NCMAP: variants seen among roughly 807,000 people sequenced by gnomAD.
NCMAP encodes the protein non-compact myelin associated protein.
Under a neutral mutation model 7.8 loss-of-function variants are expected in NCMAP, and 8 were observed. The observed-to-expected ratio is 1.02, with a 90% confidence interval of 0.60 to 1.84. The LOEUF (loss-of-function observed/expected upper bound fraction) is 1.84. NCMAP is among the 40% of genes most tolerant of loss of function. NCMAP has a pLI of 0.00. For missense variants in NCMAP, 112 were observed against 131.4 expected, an observed-to-expected ratio of 0.85 and a Z score of 0.72; for synonymous variants, 41 against 52.9, an observed-to-expected ratio of 0.78 and a Z score of 0.98.
intron 1 of NCMAP, among the ~76,000 whole-genome samples, chr1:24,574,609 C>CT (rs1393847271): frequency 6.6e-6 from 1 of 151,976 alleles, no homozygotes; most frequent in Non-Finnish European, 1.5e-5. Context: ...CACATTGATC[C>CT]TGTCTCTCTG....
intron 1 of NCMAP, among the ~76,000 whole-genome samples, chr1:24,592,009 C>T (rs1652062226): frequency 6.6e-6 from 1 of 152,144 alleles, no homozygotes; most frequent in Non-Finnish European, 1.5e-5. Context: ...GCTGGGAGAG[C>T]AGGAAAGCCG....
intron 1 of NCMAP, among the ~76,000 whole-genome samples, chr1:24,573,978 AAAGGGGG>A (rs1651472643): frequency 6.9e-6 from 1 of 145,304 alleles, no homozygotes; most frequent in Admixed American, 6.7e-5. Context: ...AAAACAGAAA[AAAGGGGG>A]AATATGTCAG....
intron 1 of NCMAP, among the ~76,000 whole-genome samples, chr1:24,578,172 C>T (rs926124028): frequency 6.1e-5 from 9 of 146,838 alleles, no homozygotes; most frequent in East Asian, 2.0e-4. Context: ...GGCTGAGGCA[C>T]GAGAACCTGG....
At chr1:24,592,878 C>G (rs1369281371) in intron 1 of NCMAP, among the ~76,000 whole-genome samples, 1 of 151,992 alleles carries the variant, frequency 6.6e-6, no homozygotes, top group African/African-American at 2.4e-5. Flanking sequence ...GTGATCATGC[C>G]ACTGCACTCC....
chr1:24,572,023 C>T (rs1406618504), intron 1 of NCMAP, among the ~76,000 whole-genome samples: 1 of 150,886 alleles, frequency 6.6e-6, no homozygotes, highest in African/African-American at 2.5e-5. Context: ...CATGCGTGGC[C>T]AGGGGCACCA....
At chr1:24,561,952 G>A (rs1303439982) in intron 1 of NCMAP, among the ~76,000 whole-genome samples, 1 of 151,766 alleles carries the variant, frequency 6.6e-6, no homozygotes, top group Non-Finnish European at 1.5e-5. Context: ...ACAAAGAACT[G>A]GAGAAGGAGA....
rs574385077 is a variant in NCMAP, at chr1:24,593,266, T to C, written c.-7-2158T>C. 2.0e-5 allele frequency among the ~76,000 whole-genome samples: 3 copies of C among 152,140 alleles called. No individual in the cohort carries two copies. The East Asian group carries it at 5.8e-4, about 29-fold the overall frequency. On this transcript the variant is annotated intron_variant, in intron 1 of 3. Transcript: ENST00000374392. ...TGGGAGACCAAGGTGGGAGGATCGC[T>C]TTGAGTCCAGGAGTTTGAGACCAGT... is the stretch of plus-strand genomic sequence containing the variant.
chr1:24,561,910 CAAAAAAA>C (rs5773094), intron 1 of NCMAP, among the ~76,000 whole-genome samples: 1 of 137,062 alleles, frequency 7.3e-6, no homozygotes, highest in Non-Finnish European at 1.6e-5. Context: ...GACTTCGTCT[CAAAAAAA>C]AAAAAAAAGA....
At chr1:24,570,201 C>T (rs1651348716) in intron 1 of NCMAP, among the ~76,000 whole-genome samples, 1 of 150,340 alleles carries the variant, frequency 6.7e-6, no homozygotes, top group African/African-American at 2.5e-5. Context: ...CCACCTTGGC[C>T]TCCCAAACTG....
intron 1 of NCMAP, among the ~76,000 whole-genome samples, chr1:24,585,813 G>C (rs554574087): frequency 3.0e-4 from 46 of 152,296 alleles, no homozygotes; most frequent in African/African-American, 1.1e-3. Flanking sequence ...CAGTGGAGAT[G>C]GAGAGGAAGA....
chr1:24,582,302 A>G (rs1291586813), intron 1 of NCMAP, among the ~76,000 whole-genome samples: 7 of 152,168 alleles, frequency 4.6e-5, no homozygotes, highest in African/African-American at 9.6e-5. Context: ...CCCAACTCCT[A>G]TGTAGGAAGC....
chr1:24,565,487 CAT>C (rs1318979517), intron 1 of NCMAP, among the ~76,000 whole-genome samples: 3 of 151,794 alleles, frequency 2.0e-5, no homozygotes, highest in African/African-American at 7.3e-5. Flanking sequence ...AATTTAATGA[CAT>C]TGATCTATTT....
chr1:24,573,952 C>CAAAAAAAAAAAAAAAGAAAAAAAAAA, intron 1 of NCMAP, among the ~76,000 whole-genome samples: 1 of 84,454 alleles, frequency 1.2e-5, no homozygotes, highest in Non-Finnish European at 2.2e-5. Flanking sequence ...CCAGAGAGGA[C>CAAAAAAAAAAAAAAAGAAAAAAAAAA]AAAAAAAAAA....
At chr1:24,588,245 C>A (rs1205924765) in intron 1 of NCMAP, among the ~76,000 whole-genome samples, 1 of 152,102 alleles carries the variant, frequency 6.6e-6, no homozygotes, top group Non-Finnish European at 1.5e-5. Flanking sequence ...CCACACCTGG[C>A]CTTAGGGTCA....
intron 1 of NCMAP, among the ~76,000 whole-genome samples, chr1:24,579,197 GTTTT>G (rs368124293): frequency 9.2e-6 from 1 of 109,068 alleles, no homozygotes; most frequent in African/African-American, 3.2e-5. Flanking sequence ...TAGGGTGGGG[GTTTT>G]TTTTTTTTTA....
chr1:24,590,603 T>C (rs557132982), intron 1 of NCMAP, among the ~76,000 whole-genome samples: 28 of 152,278 alleles, frequency 1.8e-4, no homozygotes, highest in Admixed American at 1.7e-3. Context: ...AATTTTATTA[T>C]ATTTATTTAG....
At chr1:24,597,536 G>A (rs1225776412) in intron 2 of NCMAP, among the ~76,000 whole-genome samples, 1 of 74,062 alleles carries the variant, frequency 1.4e-5, no homozygotes. Flanking sequence ...GGGGGAGGGG[G>A]AGGGGGAGGG....
At chr1:24,584,984 G>T (rs1418288239) in intron 1 of NCMAP, among the ~76,000 whole-genome samples, 2 of 125,946 alleles carry the variant, frequency 1.6e-5, no homozygotes, top group African/African-American at 6.0e-5. Flanking sequence ...CGGGTGGGTG[G>T]GTGGGGGCAT....
intron 1 of NCMAP, among the ~76,000 whole-genome samples, chr1:24,586,102 C>T (rs1217359496): frequency 1.3e-5 from 2 of 152,172 alleles, no homozygotes; most frequent in East Asian, 3.9e-4. Context: ...CACAACCCCA[C>T]GAGACAGGGG....
Sources: gnomAD v4.1 joint callset for allele counts (sites outside exome capture counted in the v4.1 genomes callset) on GRCh38, gnomAD v4.1.1 for gene constraint, MANE v1.5 for transcripts, NCBI Gene and HGNC (gene_info 2026-07-23, HGNC 2026-07-21) for gene names.